The following MICU1 variants were observed in gnomAD, a reference collection of about 807,000 sequenced individuals.
MICU1 encodes calcium uptake protein 1, mitochondrial.
MICU1 carries 45 observed loss-of-function variants against 56.8 expected under a neutral mutation model. The ratio of observed to expected loss-of-function variants is 0.79; its 90% CI spans 0.62 to 1.02. The LOEUF is 1.02. Among genes scored for constraint, MICU1 ranks in the 50% least tolerant of loss-of-function variants. The pLI is 0.00. For synonymous variants in MICU1, 186 were observed against 195.1 expected (o/e 0.95, Z 0.39); for missense variants, 504 against 587.1 (o/e 0.86, Z 1.46).
intron 10 of MICU1, among the ~76,000 whole-genome samples, chr10:72,398,156 A>T (rs901379015): frequency 6.6e-6 from 1 of 152,204 alleles, no homozygotes; most frequent in African/African-American, 2.4e-5. Context: ...CCACTCAACT[A>T]CATGGAAACT....
At chr10:72,387,476 C>G (rs977582712) in intron 10 of MICU1, among the ~76,000 whole-genome samples, 3 of 152,160 alleles carry the variant, frequency 2.0e-5, no homozygotes, top group Non-Finnish European at 4.4e-5. Flanking sequence ...AAACATGGTT[C>G]AAGTCTTTGA....
intron 5 of MICU1, among the ~76,000 whole-genome samples, chr10:72,516,130 T>C (rs768031003): frequency 2.6e-5 from 4 of 152,228 alleles, no homozygotes; most frequent in African/African-American, 4.8e-5. Flanking sequence ...TGATTGCCAT[T>C]CTAACTGGCA....
chr10:72,600,109 T>C (rs755572594), intron 1 of MICU1, among the ~76,000 whole-genome samples: 1 of 151,610 alleles, frequency 6.6e-6, no homozygotes, highest in African/African-American at 2.4e-5. Flanking sequence ...CTGGCCAACA[T>C]GGTGAAACCC....
At chr10:72,469,847 G>A (rs1865898281) in intron 8 of MICU1, among the ~76,000 whole-genome samples, 1 of 152,162 alleles carries the variant, frequency 6.6e-6, no homozygotes, top group East Asian at 1.9e-4. Context: ...TTGGCTTACA[G>A]ATGACTGCCT....
intron 8 of MICU1, among the ~76,000 whole-genome samples, chr10:72,463,326 G>C (rs1210471888): frequency 6.6e-6 from 1 of 152,168 alleles, no homozygotes; most frequent in Non-Finnish European, 1.5e-5. Flanking sequence ...GCCTCCAAAA[G>C]TGCTGGGATT....
chr10:72,475,744 G>A, intron 7 of MICU1: 2 of 426,820 alleles, frequency 4.7e-6, no homozygotes, highest in South Asian at 3.4e-5. Flanking sequence ...TAATCTTATA[G>A]GTGCTATTAT....
intron 10 of MICU1, among the ~76,000 whole-genome samples, chr10:72,402,897 T>C (rs756502889): frequency 1.3e-5 from 2 of 151,918 alleles, no homozygotes; most frequent in Non-Finnish European, 2.9e-5. Context: ...TAAAAAAAAT[T>C]TGCCAGGCGT....
chr10:72,513,723 T>C (rs1867558616), intron 5 of MICU1, among the ~76,000 whole-genome samples: 1 of 152,172 alleles, frequency 6.6e-6, no homozygotes, highest in Non-Finnish European at 1.5e-5. Context: ...AAATTTTGTA[T>C]ATAATGTGAA....
At chr10:72,446,851 T>A (rs1482991454) in intron 8 of MICU1, among the ~76,000 whole-genome samples, 1 of 152,170 alleles carries the variant, frequency 6.6e-6, no homozygotes, top group East Asian at 1.9e-4. Context: ...GTAAGAACAA[T>A]GAACAAAAGC....
chr10:72,592,445 T>C (rs994332864), intron 1 of MICU1, among the ~76,000 whole-genome samples: 1 of 152,152 alleles, frequency 6.6e-6, no homozygotes, highest in African/African-American at 2.4e-5. Flanking sequence ...TTCCACAAGA[T>C]TGAAGAAGAG....
At chr10:72,426,055 T>C (rs1236094411) in intron 8 of MICU1, among the ~76,000 whole-genome samples, 3 of 152,188 alleles carry the variant, frequency 2.0e-5, no homozygotes, top group Non-Finnish European at 4.4e-5. Context: ...TTTGTTGTTG[T>C]TGTCCAGGCT....
intron 9 of MICU1, among the ~76,000 whole-genome samples, chr10:72,409,899 T>A (rs1297648215): frequency 1.3e-5 from 2 of 152,178 alleles, no homozygotes; most frequent in African/African-American, 2.4e-5. Flanking sequence ...CAGACTATTA[T>A]CATCATCTCA....
chr10:72,379,493 C>T (rs907804802), intron 10 of MICU1: 2 of 346,116 alleles, frequency 5.8e-6, no homozygotes, highest in Non-Finnish European at 1.2e-5. Flanking sequence ...TTTCTCTTTC[C>T]CAGTTCTTCC....
intron 1 of MICU1, among the ~76,000 whole-genome samples, chr10:72,615,740 C>T (rs985947305): frequency 6.6e-6 from 1 of 152,108 alleles, no homozygotes; most frequent in East Asian, 1.9e-4. Context: ...CCTGTAATCC[C>T]AGCACTTTGG....
At chr10:72,472,702 G>A (rs1010780174) in intron 8 of MICU1, among the ~76,000 whole-genome samples, 1 of 152,212 alleles carries the variant, frequency 6.6e-6, no homozygotes, top group Non-Finnish European at 1.5e-5. Context: ...TAGGTTCTAG[G>A]AAACTGAGAC....
At chr10:72,531,959 G>C (rs1346267805) in intron 5 of MICU1, among the ~76,000 whole-genome samples, 1 of 147,104 alleles carries the variant, frequency 6.8e-6, no homozygotes, top group Non-Finnish European at 1.5e-5. Flanking sequence ...GGAGCGCAAT[G>C]GCACAATCTT....
chr10:72,508,253 C>T lies in MICU1; in HGVS notation c.554G>A (p.Arg185Gln). The T allele has an allele frequency of 6.6e-7, 1 of 1,508,176 alleles. No individual in the cohort carries two copies. Among genetic ancestry groups the T allele is most frequent in the Non-Finnish European group, 9.0e-7 (1 of 1,110,610 alleles). The allele number at this position is 1,508,176 out of a possible 1,614,324, so 93.4% of individuals were successfully genotyped here. A position where few individuals can be genotyped will look rare whatever the true frequency, so the allele number is the denominator to read the frequency against. Residue 185 changes from arginine (R) to glutamine (Q), a missense_variant, in exon 6 of 12, where the codon CGA (arginine) becomes CAA (glutamine). Transcript: ENST00000361114. ...ACTGCCTTCATCAGCAAATTTTTCT[C>T]GTTCCTGGGAAATTTTCTATAGAAT... ...RFDGKKISQE[R>Q]EKFADEGSIF...
intron 1 of MICU1, among the ~76,000 whole-genome samples, chr10:72,615,749 G>A (rs1274113420): frequency 5.9e-5 from 9 of 152,112 alleles, no homozygotes; most frequent in Non-Finnish European, 1.0e-4. Flanking sequence ...CCAGCACTTT[G>A]GGAGGCCGAG....
intron 2 of MICU1, among the ~76,000 whole-genome samples, chr10:72,566,374 T>C (rs1056276624): frequency 6.6e-6 from 1 of 152,136 alleles, no homozygotes; most frequent in African/African-American, 2.4e-5. Flanking sequence ...AAAGCTGCTA[T>C]TGCTATCCCT....
Sources: allele counts gnomAD v4.1 joint callset (sites outside exome capture counted in the v4.1 genomes callset), GRCh38; gene constraint gnomAD v4.1.1; transcripts MANE v1.5; gene names NCBI Gene and HGNC (gene_info 2026-07-23, HGNC 2026-07-21).